SLC22A4: variants seen among roughly 807,000 people sequenced by gnomAD.
The protein encoded by SLC22A4 is ET transporter.
A neutral mutation model predicts 56.6 loss-of-function variants in SLC22A4; 39 were observed. The ratio of observed to expected loss-of-function variants is 0.69; its 90% CI spans 0.53 to 0.90. The LOEUF (loss-of-function observed/expected upper bound fraction) is 0.90, where lower values mean the gene tolerates loss of function less well. SLC22A4 is among the 40% of genes least tolerant of loss of function. The pLI is 0.00. For synonymous variants in SLC22A4, 241 were observed against 281.4 expected (o/e 0.86, Z 1.44); for missense variants, 594 against 696.5 (o/e 0.85, Z 1.66).
intron 5 of SLC22A4, among the ~76,000 whole-genome samples, chr5:132,328,468 C>G (rs539329384): frequency 6.6e-6 from 1 of 152,170 alleles, no homozygotes; most frequent in African/African-American, 2.4e-5. Context: ...GAGGCTTAGA[C>G]TGGCCATGAA....
rs143888295 is a variant in SLC22A4, at chr5:132,335,946, A to G, written c.1390A>G (p.Thr464Ala). The G allele has an allele frequency of 6.1e-5, 99 of 1,614,202 alleles. 1 individual carries two copies. The African/African-American group carries it at 1.0e-3, about 16-fold the overall frequency. The change falls in exon 8 of 10, where the codon ACA becomes GCA. Residue 464 changes from threonine (T) to alanine (A), a missense_variant. Thr to Ala is a moderately conservative substitution (Grantham distance 58). Transcript: ENST00000200652. ...TLVRNMAVGV[T>A]STASRVGSII... Reference sequence around the variant, plus strand: ...GGTCAGGAACATGGCGGTGGGGGTCACATCCACGGCCTCCAGAGTGGGCAG... The same window carrying G: ...GGTCAGGAACATGGCGGTGGGGGTCGCATCCACGGCCTCCAGAGTGGGCAG...
chr5:132,324,591 C>T (rs1194450273), intron 4 of SLC22A4: 1 of 470,974 alleles, frequency 2.1e-6, no homozygotes, highest in Non-Finnish European at 4.4e-6. Flanking sequence ...AGTGGTCTTA[C>T]CATTTTCCTA....
intron 1 of SLC22A4, among the ~76,000 whole-genome samples, chr5:132,307,481 A>G (rs921040743): frequency 6.6e-6 from 1 of 152,188 alleles, no homozygotes; most frequent in African/African-American, 2.4e-5. Flanking sequence ...TCTTTCTCTT[A>G]GTCAGATTTA....
chr5:132,314,575 G>T (rs1750279449), intron 3 of SLC22A4, among the ~76,000 whole-genome samples: 1 of 152,148 alleles, frequency 6.6e-6, no homozygotes, highest in South Asian at 2.1e-4. Flanking sequence ...ATATATTCTA[G>T]GTGGCTCAGT....
At chr5:132,299,457 G>A (rs1344232970) in intron 1 of SLC22A4, among the ~76,000 whole-genome samples, 10 of 148,336 alleles carry the variant, frequency 6.7e-5, no homozygotes, top group African/African-American at 2.2e-4. Flanking sequence ...TTCTTTCTTC[G>A]TTCTTGTTGC....
intron 3 of SLC22A4, among the ~76,000 whole-genome samples, chr5:132,317,055 G>A (rs776326718): frequency 1.3e-5 from 2 of 152,146 alleles, no homozygotes; most frequent in Non-Finnish European, 2.9e-5. Flanking sequence ...CTGCGCAAGT[G>A]CTCAGAAAGA....
At position 132,334,853 on chromosome 5, in the gene SLC22A4, C is replaced by G. The variant is rs272879; in HGVS notation, c.1182C>G (p.Thr394=). ...TTACAGCCTGGCTGCTATTGCGAAC[C>G]CTGCCCAGGCGTTATATCATAGCTG... ...AYITAWLLLR[T]LPRRYIIAAV... Residue 394 remains threonine (T), a synonymous_variant, in exon 7 of 10, where the codon ACC becomes ACG. Coordinates refer to ENST00000200652, the MANE Select transcript of SLC22A4 (RefSeq NM_003059.3). The G allele has an allele frequency of 0.59, 959,180 of 1,612,414 alleles. 291,157 individuals carry two copies. The highest frequency in any genetic ancestry group is 0.67 in the Admixed American group (40,162 of 59,986).
intron 1 of SLC22A4, among the ~76,000 whole-genome samples, chr5:132,299,532 C>T (rs76115868): frequency 6.6e-6 from 1 of 151,972 alleles, no homozygotes; most frequent in South Asian, 2.1e-4. Flanking sequence ...TTGGTTCAAG[C>T]GATTCTCCTG....
At position 132,335,816 on chromosome 5, in the gene SLC22A4, A is replaced by T; in HGVS notation, c.1262-2A>T. 4 of 1,613,150 alleles carry T rather than the reference A, an allele frequency of 2.5e-6. No individual in the cohort carries two copies. Among genetic ancestry groups the T allele is most frequent in the Non-Finnish European group, 3.4e-6 (4 of 1,179,086 alleles). Reference sequence around the variant, plus strand: ...ATTGTTTATACCGGGTCTCTTTTCCAGATTATTACTTCTTATCCATTGGTC... The same window carrying T: ...ATTGTTTATACCGGGTCTCTTTTCCTGATTATTACTTCTTATCCATTGGTC... On this transcript the variant is annotated splice_acceptor_variant, in intron 7 of 9. Transcript: ENST00000200652. LOFTEE classifies it high-confidence loss of function.
chr5:132,340,400 C>T (rs1167221627), intron 8 of SLC22A4, among the ~76,000 whole-genome samples, 165 bp from the exon 9 acceptor site: 2 of 152,144 alleles, frequency 1.3e-5, no homozygotes, highest in Non-Finnish European at 2.9e-5. Context: ...TGCACAATGT[C>T]ATCTGCCAAA....
At chr5:132,309,358 G>A (rs974216773) in intron 1 of SLC22A4, among the ~76,000 whole-genome samples, 4 of 152,244 alleles carry the variant, frequency 2.6e-5, no homozygotes, top group African/African-American at 9.6e-5. Flanking sequence ...CCTGCTGGTT[G>A]TAAGCAGGGT....
intron 1 of SLC22A4, among the ~76,000 whole-genome samples, chr5:132,302,698 C>T (rs1229341060): frequency 6.6e-6 from 1 of 152,226 alleles, no homozygotes; most frequent in Non-Finnish European, 1.5e-5. Flanking sequence ...GCCATTTGCT[C>T]ATGTTCCCCT....
At chr5:132,318,568 C>A (rs939869161) in intron 3 of SLC22A4, among the ~76,000 whole-genome samples, 1 of 152,140 alleles carries the variant, frequency 6.6e-6, no homozygotes, top group Non-Finnish European at 1.5e-5. Flanking sequence ...TGTCCTGCCT[C>A]TGTGTGGAAT....
At chr5:132,342,506 A>G (rs1344192747) in intron 9 of SLC22A4, among the ~76,000 whole-genome samples, 1 of 152,188 alleles carries the variant, frequency 6.6e-6, no homozygotes, top group African/African-American at 2.4e-5. Context: ...TTCAATTTTG[A>G]CAATACCTAA....
chr5:132,312,383 T>C lies in SLC22A4; in HGVS notation c.497+119T>C. The C allele has an allele frequency of 9.4e-6, 7 of 745,766 alleles. No homozygotes were observed. The South Asian group carries it at 1.0e-4, about 11-fold the overall frequency. 46.2% of individuals were successfully genotyped at this position (745,766 alleles called of 1,614,324 possible). A position where few individuals can be genotyped will look rare whatever the true frequency, so the allele number is the denominator to read the frequency against. ...GAGAAAGGGAGGACCCTCAGGCCACTGATTCAGTGATAGGAGGAGCCCCGA... is the reference window on the plus strand; with the variant it reads ...GAGAAAGGGAGGACCCTCAGGCCACCGATTCAGTGATAGGAGGAGCCCCGA... On this transcript the variant is annotated intron_variant, in intron 2 of 9. Transcript: ENST00000200652.
At chr5:132,297,468 A>C (rs1417836062) in intron 1 of SLC22A4, among the ~76,000 whole-genome samples, 1 of 152,200 alleles carries the variant, frequency 6.6e-6, no homozygotes, top group African/African-American at 2.4e-5. Flanking sequence ...AGTCAGACTC[A>C]GTAGAGGGCC....
chr5:132,313,445 A>T (rs184437985), intron 2 of SLC22A4, among the ~76,000 whole-genome samples, 169 bp from the exon 3 acceptor site: 1 of 152,306 alleles, frequency 6.6e-6, no homozygotes, highest in Admixed American at 6.5e-5. Flanking sequence ...TCCTGAGCAG[A>T]TGGATGCCTG....
intron 5 of SLC22A4, among the ~76,000 whole-genome samples, 163 bp from the exon 6 acceptor site, chr5:132,331,593 G>A (rs1750860774): frequency 6.6e-6 from 1 of 152,196 alleles, no homozygotes; most frequent in Admixed American, 6.5e-5. Context: ...GTCAGAGTAA[G>A]TGTCATATAT....
At chr5:132,303,849 C>A (rs1320232948) in intron 1 of SLC22A4, among the ~76,000 whole-genome samples, 1 of 152,166 alleles carries the variant, frequency 6.6e-6, no homozygotes, top group Non-Finnish European at 1.5e-5. Flanking sequence ...CCCTGCCTAC[C>A]TCTCTACAAC....
Sources: gnomAD v4.1 joint callset for allele counts (sites outside exome capture counted in the v4.1 genomes callset) on GRCh38, gnomAD v4.1.1 for gene constraint, MANE v1.5 for transcripts, NCBI Gene and HGNC (gene_info 2026-07-23, HGNC 2026-07-21) for gene names.